C4orf36: variants seen among roughly 807,000 people sequenced by gnomAD.
C4orf36 encodes the protein chromosome 4 open reading frame 36.
Under a neutral mutation model 12.2 loss-of-function variants are expected in C4orf36, and 11 were observed. The observed-to-expected ratio is 0.90, with a 90% CI of 0.57 to 1.49. The LOEUF (loss-of-function observed/expected upper bound fraction) is 1.49. Ranked by LOEUF, C4orf36 falls within the 40% of genes most tolerant of loss-of-function variation. C4orf36 has a pLI of 0.00. For synonymous variants in C4orf36, 54 were observed against 51.3 expected (o/e 1.05, Z -0.22); for missense variants, 137 against 133.9 (o/e 1.02, Z -0.11).
At chr4:86,880,120 C>G (rs892218857) in intron 4 of C4orf36, among the ~76,000 whole-genome samples, 2 of 152,216 alleles carry the variant, frequency 1.3e-5, no homozygotes, top group Non-Finnish European at 2.9e-5. Flanking sequence ...TCCCAACCTT[C>G]TGGGATTACA....
At chr4:86,932,077 T>G in the C4orf36 span, 98 of 149,364 alleles carry the variant, frequency 6.6e-4, no homozygotes, top group Middle Eastern at 3.6e-3. Flanking sequence ...CCGGGCGTGG[T>G]GGCTCACGCC....
At chr4:86,914,796 T>C in the C4orf36 span, 12 of 456,950 alleles carry the variant, frequency 2.6e-5, no homozygotes, top group Non-Finnish European at 8.5e-6. Context: ...TTGGCTCTAA[T>C]AAAAACTGGT....
At chr4:86,885,071 A>G (rs1747144042) in intron 4 of C4orf36, among the ~76,000 whole-genome samples, 1 of 152,182 alleles carries the variant, frequency 6.6e-6, no homozygotes, top group Non-Finnish European at 1.5e-5. Flanking sequence ...CTGTTTTGGT[A>G]CCAGTACCAT....
chr4:86,904,618 C>A, the C4orf36 span, among the ~76,000 whole-genome samples: 4 of 148,588 alleles, frequency 2.7e-5, no homozygotes, highest in Non-Finnish European at 5.9e-5. Context: ...TGTAAGCTGG[C>A]AGCAGTGGTG....
At chr4:86,931,452 G>A in the C4orf36 span, among the ~76,000 whole-genome samples, 1 of 152,094 alleles carries the variant, frequency 6.6e-6, no homozygotes, top group African/African-American at 2.4e-5. Flanking sequence ...AGGCTGGAGT[G>A]CAGTGGCATG....
chr4:86,877,632 C>T (rs1235973514), intron 4 of C4orf36, among the ~76,000 whole-genome samples: 1 of 152,178 alleles, frequency 6.6e-6, no homozygotes, highest in East Asian at 1.9e-4. Context: ...ATGAGTCACT[C>T]ACATCAAAAC....
Position 86,888,276 on chromosome 4 carries a change from C to T in C4orf36, c.66-1G>A. The T allele has an allele frequency of 6.2e-7, 1 of 1,612,274 alleles. No homozygotes were observed. On this transcript the variant is annotated splice_acceptor_variant, in intron 2 of 4. Transcript: ENST00000295898. LOFTEE classifies it high-confidence loss of function. Reference sequence around the variant, plus strand: ...CAATGCAATATCCCAAGGTTCCTGTCTGGGGCAAAAATTCATTAATCCATT... The same window carrying T: ...CAATGCAATATCCCAAGGTTCCTGTTTGGGGCAAAAATTCATTAATCCATT...
At chr4:86,931,953 T>C in the C4orf36 span, among the ~76,000 whole-genome samples, 1 of 149,044 alleles carries the variant, frequency 6.7e-6, no homozygotes, top group Non-Finnish European at 1.5e-5. Flanking sequence ...GAGAATGGCG[T>C]GAACCCGGGA....
chr4:86,916,223 TG>T, the C4orf36 span, among the ~76,000 whole-genome samples: 1 of 152,024 alleles, frequency 6.6e-6, no homozygotes, highest in Non-Finnish European at 1.5e-5. Flanking sequence ...CAAAGAAGTA[TG>T]GGGAATAGGT....
chr4:86,893,424 T>G (rs1747502750), upstream of C4orf36, among the ~76,000 whole-genome samples: 1 of 151,980 alleles, frequency 6.6e-6, no homozygotes, highest in East Asian at 1.9e-4. Context: ...CTGTCTCTAC[T>G]AAAATGCAAA....
the C4orf36 span, chr4:86,913,645 T>G: frequency 6.3e-7 from 1 of 1,583,350 alleles, no homozygotes. Context: ...ACCTGCACAC[T>G]TTTTGAGGCA....
chr4:86,880,002 T>C (rs565120802), intron 4 of C4orf36, among the ~76,000 whole-genome samples: 2 of 152,052 alleles, frequency 1.3e-5, no homozygotes, highest in Admixed American at 1.3e-4. Context: ...AGGCACACAC[T>C]ACCATGCCTG....
the C4orf36 span, among the ~76,000 whole-genome samples, chr4:86,897,590 G>C: frequency 2.6e-5 from 4 of 152,280 alleles, no homozygotes; most frequent in East Asian, 5.8e-4. Flanking sequence ...TTGCTCTAGA[G>C]TGGGTTTCTA....
the C4orf36 span, among the ~76,000 whole-genome samples, chr4:86,931,513 C>T: frequency 6.6e-6 from 1 of 152,110 alleles, no homozygotes; most frequent in Admixed American, 6.6e-5. Flanking sequence ...ATCCCCCTAC[C>T]TCAGCCCCTG....
intron 4 of C4orf36, chr4:86,887,139 G>A (rs1747203617): frequency 6.6e-6 from 1 of 152,124 alleles, no homozygotes; most frequent in African/African-American, 2.4e-5. Flanking sequence ...GGGAGGGATA[G>A]CATTAGGAGA....
chr4:86,927,212 A>G, the C4orf36 span, among the ~76,000 whole-genome samples: 1 of 152,200 alleles, frequency 6.6e-6, no homozygotes, highest in Non-Finnish European at 1.5e-5. Context: ...TAAGCTTCAA[A>G]GGACAGATAT....
the C4orf36 span, among the ~76,000 whole-genome samples, chr4:86,906,001 G>A: frequency 5.3e-5 from 8 of 152,076 alleles, no homozygotes; most frequent in South Asian, 2.1e-4. Context: ...GATTACCCAC[G>A]TGAGCCACCG....
chr4:86,920,536 G>C, the C4orf36 span, among the ~76,000 whole-genome samples: 3 of 152,178 alleles, frequency 2.0e-5, no homozygotes, highest in Non-Finnish European at 4.4e-5. Flanking sequence ...TAGATCATTT[G>C]TAAACAGAAG....
chr4:86,916,018 GAACTATGAGACA>G, the C4orf36 span, among the ~76,000 whole-genome samples: 1 of 152,164 alleles, frequency 6.6e-6, no homozygotes, highest in Non-Finnish European at 1.5e-5. Context: ...CTGGCCTCCA[GAACTATGAGACA>G]ATACATTTCT....
Sources: allele counts gnomAD v4.1 joint callset (sites outside exome capture counted in the v4.1 genomes callset), GRCh38; gene constraint gnomAD v4.1.1; transcripts MANE v1.5; gene names NCBI Gene and HGNC (gene_info 2026-07-23, HGNC 2026-07-21).